Variants in METTL8 observed in about 807,000 individuals in gnomAD.
METTL8 encodes the protein methyltransferase 8, tRNA N3-cytidine, also known as tRNA N(3)-cytidine methyltransferase METTL8, mitochondrial.
A neutral mutation model predicts 48.7 loss-of-function variants in METTL8; 32 were observed. The ratio of observed to expected loss-of-function variants is 0.66; its 90% CI spans 0.50 to 0.88. The LOEUF (loss-of-function observed/expected upper bound fraction) is 0.88, where lower values mean the gene tolerates loss of function less well. Ranked by LOEUF, METTL8 falls within the 40% of genes least tolerant of loss-of-function variation. METTL8 has a pLI of 0.00. For missense variants in METTL8, 464 were observed against 474.4 expected (o/e 0.98, Z 0.20); for synonymous variants, 136 against 157.1 (o/e 0.87, Z 1.01).
At chr2:171,408,991 A>T (rs143893095) in intron 1 of METTL8, among the ~76,000 whole-genome samples, 629 of 152,312 alleles carry the variant, frequency 4.1e-3, no homozygotes, top group African/African-American at 0.014. Context: ...CACAGGATCA[A>T]GCCTTCCACT....
intron 2 of METTL8, among the ~76,000 whole-genome samples, chr2:171,366,001 G>T (rs1243914921): frequency 1.3e-5 from 2 of 152,192 alleles, no homozygotes; most frequent in Admixed American, 1.3e-4. Context: ...AGTTGCAGAG[G>T]TGGTGAGGGT....
At chr2:171,407,766 GTA>G (rs936205215) in intron 1 of METTL8, among the ~76,000 whole-genome samples, 2 of 152,236 alleles carry the variant, frequency 1.3e-5, no homozygotes, top group Admixed American at 6.5e-5. Context: ...TAGGAGCCAT[GTA>G]TAACTGCTAC....
At chr2:171,393,779 C>T (rs1300774362) in intron 1 of METTL8, among the ~76,000 whole-genome samples, 1 of 152,128 alleles carries the variant, frequency 6.6e-6, no homozygotes, top group African/African-American at 2.4e-5. Context: ...ACTGTGCACT[C>T]TTTACCACCC....
At chr2:171,370,026 A>T (rs184219828) in intron 2 of METTL8, among the ~76,000 whole-genome samples, 195 of 152,038 alleles carry the variant, frequency 1.3e-3, no homozygotes, top group Non-Finnish European at 2.0e-3. Flanking sequence ...AGATCATGCC[A>T]TTGCACTCCA....
rs1324302455 is a variant in METTL8 at position 171,324,360 on chromosome 2, C to T, written c.1036G>A (p.Glu346Lys). ...GTRAYFFTKG[E>K]VHSMFCKASL... Reference sequence around the variant, plus strand: ...GCTTTGCAGAACATACTGTGGACTTCCCCTGTGAGACAAAAATGGCAATAA... The same window carrying T: ...GCTTTGCAGAACATACTGTGGACTTTCCCTGTGAGACAAAAATGGCAATAA... The change falls in exon 10 of 10, where the codon GAA becomes AAA. Residue 346 changes from glutamate to lysine, a missense_variant and splice_region_variant. Glu to Lys is a moderately conservative substitution (Grantham distance 56). Transcript: ENST00000375258. 4.5e-6 allele frequency: 7 copies of T among 1,550,648 alleles called. No individual in the cohort carries two copies. Among genetic ancestry groups the T allele is most frequent in the Admixed American group, 2.0e-5 (1 of 50,926 alleles).
At chr2:171,344,380 C>G (rs1687069167) in intron 3 of METTL8, among the ~76,000 whole-genome samples, 1 of 152,246 alleles carries the variant, frequency 6.6e-6, no homozygotes, top group South Asian at 2.1e-4. Flanking sequence ...TTACACTACA[C>G]TGCCTCCCGA....
chr2:171,319,690 G>A lies in METTL8; in HGVS notation c.*4482C>T, dbSNP rs1393785767. The A allele has an allele frequency of 1.3e-5, 2 of 152,194 alleles. No homozygotes were observed. The highest frequency in any genetic ancestry group is 4.8e-5 in the African/African-American group (2 of 41,446). The allele number at this position is 152,194 out of a possible 1,614,324, so 9.4% of individuals were successfully genotyped here. A position where few individuals can be genotyped will look rare whatever the true frequency, so the allele number is the denominator to read the frequency against. ...AATGTTAAATGGGTGTTTCAATACA[G>A]GCAAATGTGTCATACCGAATGCAAA... On this transcript the variant is annotated 3_prime_UTR_variant, in exon 10 of 10. Transcript: ENST00000375258.
intron 2 of METTL8, among the ~76,000 whole-genome samples, chr2:171,383,645 A>T (rs1396704106): frequency 6.6e-6 from 1 of 152,154 alleles, no homozygotes; most frequent in Non-Finnish European, 1.5e-5. Context: ...AATGGCCGAG[A>T]TCCCTTGAAA....
At position 171,351,971 on chromosome 2, in the gene METTL8, C is replaced by T. The variant is rs536250464; in HGVS notation, c.235+8451G>A. Among the ~76,000 whole-genome samples, 415 of 152,232 alleles carry T rather than the reference C, an allele frequency of 2.7e-3. 2 individuals carry two copies. The highest frequency in any genetic ancestry group is 9.6e-3 in the African/African-American group (400 of 41,530). ...TCCCTTTCTTTCTCTTGCCTGATTG[C>T]CCTGGCCAGAACTTCCAACACTATG... On this transcript the variant is annotated intron_variant, in intron 3 of 9. Transcript: ENST00000375258.
chr2:171,394,704 T>C (rs1247478845), intron 1 of METTL8, among the ~76,000 whole-genome samples: 9 of 152,348 alleles, frequency 5.9e-5, no homozygotes, highest in African/African-American at 1.9e-4. Flanking sequence ...ATAACAACTG[T>C]ATATAGGAGA....
intron 1 of METTL8, among the ~76,000 whole-genome samples, chr2:171,392,604 A>C (rs1056146788): frequency 6.6e-6 from 1 of 152,192 alleles, no homozygotes; most frequent in African/African-American, 2.4e-5. Context: ...ACCACTAGAC[A>C]AAAATCCCAA....
chr2:171,366,067 A>C (rs1685686512), intron 2 of METTL8, among the ~76,000 whole-genome samples: 1 of 152,188 alleles, frequency 6.6e-6, no homozygotes, highest in Admixed American at 6.6e-5. Flanking sequence ...CCTGAAGTCT[A>C]CAAGAGTTCT....
intron 3 of METTL8, among the ~76,000 whole-genome samples, chr2:171,344,121 A>G (rs1038558112): frequency 6.6e-6 from 1 of 152,242 alleles, no homozygotes; most frequent in African/African-American, 2.4e-5. Flanking sequence ...TAGTAGCATT[A>G]AAAATGACAA....
intron 1 of METTL8, among the ~76,000 whole-genome samples, chr2:171,404,332 G>A (rs1689965926): frequency 6.6e-6 from 1 of 151,852 alleles, no homozygotes; most frequent in Non-Finnish European, 1.5e-5. Flanking sequence ...AGCTACTATT[G>A]ACCTACATCT....
At chr2:171,348,814 A>G (rs905250883) in intron 3 of METTL8, among the ~76,000 whole-genome samples, 1 of 152,158 alleles carries the variant, frequency 6.6e-6, no homozygotes, top group African/African-American at 2.4e-5. Flanking sequence ...AACTATTTTT[A>G]AAAAGAAAAA....
intron 1 of METTL8, among the ~76,000 whole-genome samples, chr2:171,420,156 G>C (rs1361054609): frequency 6.6e-6 from 1 of 152,058 alleles, no homozygotes; most frequent in Non-Finnish European, 1.5e-5. Flanking sequence ...TTCAAGACCA[G>C]CCTAGGCAAT....
At chr2:171,418,641 G>A (rs569536355) in intron 1 of METTL8, among the ~76,000 whole-genome samples, 1 of 152,052 alleles carries the variant, frequency 6.6e-6, no homozygotes, top group South Asian at 2.1e-4. Flanking sequence ...ATTATTTTGA[G>A]CTTTGGCCAT....
intron 1 of METTL8, among the ~76,000 whole-genome samples, chr2:171,417,916 G>A (rs1042379207): frequency 1.3e-5 from 2 of 151,366 alleles, no homozygotes; most frequent in South Asian, 4.2e-4. Flanking sequence ...TTTCTGTTCC[G>A]GGACCCCTTA....
intron 1 of METTL8, among the ~76,000 whole-genome samples, chr2:171,421,911 T>A (rs1691914133): frequency 6.6e-6 from 1 of 152,188 alleles, no homozygotes; most frequent in Admixed American, 6.5e-5. Context: ...AGATGTCAGT[T>A]CTCTTCAAAC....
Sources: allele counts gnomAD v4.1 joint callset (sites outside exome capture counted in the v4.1 genomes callset), GRCh38; gene constraint gnomAD v4.1.1; transcripts MANE v1.5; gene names NCBI Gene and HGNC (gene_info 2026-07-23, HGNC 2026-07-21).